Variants in TP53BP1 observed in about 807,000 individuals in gnomAD.
TP53BP1 encodes TP53-binding protein 1.
TP53BP1 carries 61 observed loss-of-function variants against 200.8 expected under a neutral mutation model. The ratio of observed to expected loss-of-function variants is 0.30; its 90% CI spans 0.25 to 0.38. TP53BP1 has a LOEUF of 0.38. Ranked by LOEUF, TP53BP1 falls within the 10% of genes least tolerant of loss-of-function variation. TP53BP1 has a pLI of 1.00. For missense variants in TP53BP1, 2,144 were observed against 2,371.9 expected (o/e 0.90, Z 2.00); for synonymous variants, 822 against 844.3 (o/e 0.97, Z 0.46).
chr15:43,411,841 CTA>C lies in TP53BP1; in HGVS notation c.5305+1276_5305+1277del, dbSNP rs149703467. On this transcript the variant is annotated intron_variant, in intron 24 of 27. Coordinates refer to ENST00000382044, the MANE Select transcript of TP53BP1 (RefSeq NM_001141980.3). ...ATCTCATACCAGTCAGCTTTCTTGA[CTA>C]TGCTGAACCAAGCAACAAACAAAAC... Among the ~76,000 whole-genome samples the C allele has an allele frequency of 1.6e-3, 247 of 152,300 alleles. 1 individual carries two copies. The highest frequency in any genetic ancestry group is 0.014 in the Middle Eastern group (4 of 294).
In TP53BP1 at chr15:43,479,871, C is replaced by A; in HGVS notation, c.646G>T (p.Asp216Tyr). 6.2e-7 allele frequency: 1 copy of A among 1,614,218 alleles called. No individual in the cohort carries two copies. The highest frequency in any genetic ancestry group is 8.5e-7 in the Non-Finnish European group (1 of 1,180,028). The part of the protein sequence containing the change: ...NSGYTRLSDV[D>Y]ANTAIKHEEQ... The stretch of plus-strand genomic sequence containing the variant: ...ACATGTTTCATACCAGTATTAGCAT[C>A]CACATCAGACAGCCTGGTATAACCA... Residue 216 changes from aspartate (D) to tyrosine (Y), a missense_variant, in exon 6 of 28, where the codon GAT (aspartate) becomes TAT (tyrosine). Around this residue, in one of 4 missense-constraint regions of TP53BP1, gnomAD observed 1,700 missense variants for 1,710.3 expected, o/e 0.99. Coordinates refer to ENST00000382044, the MANE Select transcript of TP53BP1 (RefSeq NM_001141980.3).
intron 15 of TP53BP1, among the ~76,000 whole-genome samples, chr15:43,440,694 C>G (rs1204530614): frequency 6.6e-6 from 1 of 151,908 alleles, no homozygotes; most frequent in Non-Finnish European, 1.5e-5. Flanking sequence ...TCAAGGCCAG[C>G]CTGGGCAACA....
chr15:43,407,722 A>C, intron 27 of TP53BP1, 152 bp from the exon 28 acceptor site: 3 of 828,400 alleles, frequency 3.6e-6, no homozygotes, highest in South Asian at 1.9e-5. Context: ...GACCAAAGGC[A>C]GAGTTATAAT....
rs2045010214 is a variant in TP53BP1, at chr15:43,408,695, C to T, written c.5600+202G>A. 1.6e-5 allele frequency: 9 copies of T among 579,256 alleles called. No individual in the cohort carries two copies. The South Asian group carries it at 1.9e-4, about 12-fold the overall frequency. The allele number at this position is 579,256 out of a possible 1,614,324, so 35.9% of individuals were successfully genotyped here. A position where few individuals can be genotyped will look rare whatever the true frequency, so the allele number is the denominator to read the frequency against. On this transcript the variant is annotated intron_variant, in intron 26 of 27. Coordinates refer to ENST00000382044, the MANE Select transcript of TP53BP1 (RefSeq NM_001141980.3). ...AATATTGAACCTATATACAAATCTT[C>T]ACACATTTGCAAAAGGTTCCTAGCC...
chr15:43,469,826 T>A (rs2046679688), intron 11 of TP53BP1, 32 bp downstream of exon 11: 1 of 1,555,762 alleles, frequency 6.4e-7, no homozygotes, highest in African/African-American at 1.4e-5. Context: ...AAAAAATATG[T>A]TAGGAGAAAC....
At position 43,438,175 on chromosome 15, in the gene TP53BP1, C is replaced by A. The variant is rs577320022; in HGVS notation, c.3191+149G>T. The A allele has an allele frequency of 4.9e-5, 29 of 594,544 alleles. 1 individual carries two copies. The South Asian group carries it at 7.8e-4, about 16-fold the overall frequency. The allele number at this position is 594,544 out of a possible 1,614,324, so 36.8% of individuals were successfully genotyped here. ...AACTTCTGTAGCTTTATACCAATAC[C>A]ACTAATTACCTCTCAACACTGTTGC... On this transcript the variant is annotated intron_variant, in intron 16 of 27. Transcript: ENST00000382044.
At chr15:43,499,028 A>T (rs569281341) in intron 1 of TP53BP1, among the ~76,000 whole-genome samples, 1 of 152,096 alleles carries the variant, frequency 6.6e-6, no homozygotes, top group Non-Finnish European at 1.5e-5. Context: ...ACAAAAAAAA[A>T]AAAACAAAAC....
At chr15:43,471,839 G>A (rs2140097935) in intron 10 of TP53BP1, among the ~76,000 whole-genome samples, 1 of 152,240 alleles carries the variant, frequency 6.6e-6, no homozygotes, top group East Asian at 1.9e-4. Flanking sequence ...TGTATTACCT[G>A]GGTTTTTGTA....
chr15:43,414,695 A>G lies in TP53BP1; in HGVS notation c.5089+899T>C, dbSNP rs1342971953. ...TTCGGGGATAATGGGGAGAGGGAAG[A>G]GCATACTGAAATATGACTTTTTTTT... On this transcript the variant is annotated intron_variant, in intron 23 of 27. Transcript: ENST00000382044. Among the ~76,000 whole-genome samples the G allele has an allele frequency of 2.0e-5, 3 of 151,822 alleles. No individual in the cohort carries two copies. The East Asian group carries it at 5.8e-4, about 30-fold the overall frequency.
rs2044841150 is a variant in TP53BP1, at chr15:43,405,560, T to C, written c.*1823A>G. 1 of 269,950 alleles carries C rather than the reference T, an allele frequency of 3.7e-6. No homozygotes were observed. The highest frequency in any genetic ancestry group is 8.7e-5 in the South Asian group (1 of 11,464). The allele number at this position is 269,950 out of a possible 1,614,324, so 16.7% of individuals were successfully genotyped here. ...GAGATACAGCGGTAAACAAACAATA[T>C]AGAGCAGAAAGTTAAATATTTTATG... On this transcript the variant is annotated 3_prime_UTR_variant, in exon 28 of 28. Transcript: ENST00000382044.
chr15:43,473,045 G>C (rs1039648055), intron 10 of TP53BP1, among the ~76,000 whole-genome samples: 6 of 152,104 alleles, frequency 3.9e-5, no homozygotes, highest in African/African-American at 1.4e-4. Context: ...AGACCTTCGC[G>C]GTGAGTATTA....
chr15:43,464,822 C>T (rs937887177), intron 11 of TP53BP1, among the ~76,000 whole-genome samples: 1 of 151,968 alleles, frequency 6.6e-6, no homozygotes, highest in Non-Finnish European at 1.5e-5. Flanking sequence ...GCAGGAGAAT[C>T]GCTTGAACCT....
chr15:43,481,601 G>C (rs2078968307), intron 4 of TP53BP1, among the ~76,000 whole-genome samples: 1 of 151,724 alleles, frequency 6.6e-6, no homozygotes, highest in East Asian at 1.9e-4. Flanking sequence ...CAGGTCACGA[G>C]GTCAAGAGAT....
At position 43,446,572 on chromosome 15, in the gene TP53BP1, T is replaced by C. The variant is rs1209733055; in HGVS notation, c.2855A>G (p.Glu952Gly). 1 of 1,613,796 alleles carries C rather than the reference T, an allele frequency of 6.2e-7. No individual in the cohort carries two copies. The stretch of plus-strand genomic sequence containing the variant: ...GACATCACTGGTTGCTATGGTGCTT[T>C]CTGGATAGTTGCTAATACCTGAAAG... ...STPIGISNYP[E>G]STIATSDVMS... Residue 952 changes from glutamate (E) to glycine (G), a missense_variant, in exon 14 of 28, where the codon GAA becomes GGA. By Grantham distance (98) the Glu-to-Gly change is moderately conservative (BLOSUM62 -2). Transcript: ENST00000382044.
At chr15:43,473,004 C>T (rs2046764793) in intron 10 of TP53BP1, among the ~76,000 whole-genome samples, 1 of 151,982 alleles carries the variant, frequency 6.6e-6, no homozygotes, top group Non-Finnish European at 1.5e-5. Context: ...CTGGTGGGTT[C>T]GTGGTCTCGC....
At chr15:43,457,262 C>T in intron 11 of TP53BP1, 44 bp from the exon 12 acceptor site, 1 of 1,478,902 alleles carries the variant, frequency 6.8e-7, no homozygotes, top group South Asian at 1.4e-5. Flanking sequence ...TGTACATGAT[C>T]ATATATCTTT....
chr15:43,489,394 C>A (rs2079090008), intron 4 of TP53BP1, among the ~76,000 whole-genome samples: 1 of 152,204 alleles, frequency 6.6e-6, no homozygotes, highest in Non-Finnish European at 1.5e-5. Flanking sequence ...AACCAGGATG[C>A]TGAGCCACAA....
intron 12 of TP53BP1, 151 bp downstream of exon 12, chr15:43,455,741 C>G: frequency 9.4e-7 from 1 of 1,068,718 alleles, no homozygotes; most frequent in East Asian, 2.6e-5. Context: ...AAAGGCAATC[C>G]AAAAAATTTA....
At chr15:43,409,619 T>A in intron 25 of TP53BP1, 28 bp downstream of exon 25, 1 of 1,310,412 alleles carries the variant, frequency 7.6e-7, no homozygotes, top group Non-Finnish European at 1.1e-6. Context: ...ATTGCCACTA[T>A]ATTAGGTTAC....
Sources: gnomAD v4.1 joint callset for allele counts (sites outside exome capture counted in the v4.1 genomes callset) on GRCh38, gnomAD v4.1.1 for gene constraint, gnomAD v4.1.1 regional missense constraint, MANE v1.5 for transcripts, NCBI Gene and HGNC (gene_info 2026-07-23, HGNC 2026-07-21) for gene names.